The following RANBP2 variants were observed in gnomAD, a reference collection of about 807,000 sequenced individuals.
The protein encoded by RANBP2 is RAN binding protein 2.
A neutral mutation model predicts 303.6 loss-of-function variants in RANBP2; 57 were observed. That is an observed-to-expected ratio of 0.19 (90% CI 0.15 to 0.23). The LOEUF is 0.23. Among genes scored for constraint, RANBP2 ranks in the 10% least tolerant of loss-of-function variants. RANBP2 has a pLI of 1.00. For missense variants in RANBP2, 3,138 were observed against 3,780.8 expected (o/e 0.83, Z 4.46); for synonymous variants, 1,167 against 1,301.5 (o/e 0.90, Z 2.23).
At chr2:108,928,164 C>T in the RANBP2 span, among the ~76,000 whole-genome samples, 1 of 152,202 alleles carries the variant, frequency 6.6e-6, no homozygotes, top group Non-Finnish European at 1.5e-5. Flanking sequence ...AGGTGTACAA[C>T]TCTTGCTCTG....
the RANBP2 span, among the ~76,000 whole-genome samples, chr2:108,872,878 C>T: frequency 1.3e-5 from 2 of 152,124 alleles, no homozygotes; most frequent in Non-Finnish European, 2.9e-5. Context: ...TCTAAATAGC[C>T]CCACAAGTCT....
the RANBP2 span, among the ~76,000 whole-genome samples, chr2:109,557,809 A>G: frequency 1.3e-5 from 2 of 151,378 alleles, no homozygotes; most frequent in African/African-American, 4.9e-5. Context: ...TTGCTATACT[A>G]TTCCCTTTTC....
At chr2:109,408,517 C>T in the RANBP2 span, among the ~76,000 whole-genome samples, 3 of 152,216 alleles carry the variant, frequency 2.0e-5, no homozygotes, top group Non-Finnish European at 4.4e-5. Context: ...GGGTCCCACA[C>T]GCGCTCACGC....
At chr2:109,209,400 A>C in the RANBP2 span, among the ~76,000 whole-genome samples, 1 of 152,104 alleles carries the variant, frequency 6.6e-6, no homozygotes, top group Admixed American at 6.5e-5. Context: ...GTGTTTGTCC[A>C]TTTCCAGGGT....
At chr2:109,637,221 G>A in the RANBP2 span, among the ~76,000 whole-genome samples, 1 of 152,152 alleles carries the variant, frequency 6.6e-6, no homozygotes, top group Non-Finnish European at 1.5e-5. Flanking sequence ...GAATAACAAG[G>A]CAGCATTTCT....
At chr2:108,935,956 G>A in the RANBP2 span, among the ~76,000 whole-genome samples, 82 of 152,318 alleles carry the variant, frequency 5.4e-4, no homozygotes, top group African/African-American at 1.9e-3. Context: ...GGCTTTGACT[G>A]TCTATACTTG....
chr2:109,369,832 A>G, the RANBP2 span, among the ~76,000 whole-genome samples: 29,096 of 152,146 alleles, frequency 0.19, 3,580 homozygotes, highest in African/African-American at 0.35. Flanking sequence ...ATGATTTCTT[A>G]GACCCCACCA....
the RANBP2 span, among the ~76,000 whole-genome samples, chr2:109,190,860 T>A: frequency 6.6e-6 from 1 of 151,890 alleles, no homozygotes; most frequent in Non-Finnish European, 1.5e-5. Context: ...AAGCACTTAC[T>A]GTATGTAAAG....
intron 23 of RANBP2, among the ~76,000 whole-genome samples, chr2:108,773,679 G>C (rs1009041195): frequency 6.7e-6 from 1 of 148,240 alleles, no homozygotes; most frequent in Admixed American, 6.7e-5. Flanking sequence ...ATGGAGTTTC[G>C]CTCTGTCGCC....
the RANBP2 span, among the ~76,000 whole-genome samples, chr2:109,434,431 C>T: frequency 1.2e-4 from 18 of 152,188 alleles, no homozygotes; most frequent in Non-Finnish European, 2.4e-4. Flanking sequence ...GTAAAGCCTG[C>T]GGTTGAAATC....
At chr2:109,270,928 G>A in the RANBP2 span, among the ~76,000 whole-genome samples, 3 of 152,182 alleles carry the variant, frequency 2.0e-5, no homozygotes, top group Non-Finnish European at 4.4e-5. Flanking sequence ...AGACACCAGC[G>A]GGGCCCTCCA....
intron 1 of RANBP2, among the ~76,000 whole-genome samples, chr2:108,728,701 C>T (rs2557927): frequency 6.6e-6 from 1 of 152,018 alleles, no homozygotes; most frequent in Admixed American, 6.6e-5. Context: ...GATCTCAGCT[C>T]ACTGCAACCT....
At chr2:109,713,712 G>C in the RANBP2 span, among the ~76,000 whole-genome samples, 1 of 152,162 alleles carries the variant, frequency 6.6e-6, no homozygotes, top group African/African-American at 2.4e-5. Context: ...GCACTCAACA[G>C]CTAGGAATGA....
chr2:109,449,387 C>G, the RANBP2 span: 1 of 1,612,252 alleles, frequency 6.2e-7, no homozygotes, highest in Non-Finnish European at 8.5e-7. Flanking sequence ...ACGTCAGTGC[C>G]GCAAACCTCA....
the RANBP2 span, among the ~76,000 whole-genome samples, chr2:108,948,145 C>A: frequency 1.3e-5 from 2 of 152,216 alleles, no homozygotes; most frequent in African/African-American, 4.8e-5. Flanking sequence ...AGAGCAGGGG[C>A]AAAATGCCAC....
the RANBP2 span, among the ~76,000 whole-genome samples, chr2:109,062,857 G>C: frequency 6.6e-6 from 1 of 151,746 alleles, no homozygotes; most frequent in Non-Finnish European, 1.5e-5. Context: ...CCCTGGGAGC[G>C]GGTGGAGGTG....
the RANBP2 span, among the ~76,000 whole-genome samples, chr2:109,202,503 A>T: frequency 6.6e-6 from 1 of 152,164 alleles, no homozygotes; most frequent in African/African-American, 2.4e-5. Flanking sequence ...TGTTCCTCAC[A>T]TGTCTGGGTA....
intron 25 of RANBP2, among the ~76,000 whole-genome samples, chr2:108,778,167 AG>A (rs1470896219): frequency 1.3e-5 from 2 of 152,212 alleles, no homozygotes; most frequent in African/African-American, 4.8e-5. Context: ...CTTGTTACTC[AG>A]TGTAGCCTCT....
chr2:109,034,270 CAAAAAA>C, the RANBP2 span, among the ~76,000 whole-genome samples: 57 of 38,106 alleles, frequency 1.5e-3, no homozygotes, highest in African/African-American at 5.8e-3. Context: ...GACTCCATCT[CAAAAAA>C]AAAAAAAAAA....
Sources: allele counts gnomAD v4.1 joint callset (sites outside exome capture counted in the v4.1 genomes callset), GRCh38; gene constraint gnomAD v4.1.1; transcripts MANE v1.5; gene names NCBI Gene and HGNC (gene_info 2026-07-23, HGNC 2026-07-21).